Variants in ARHGAP26 observed in about 807,000 individuals in gnomAD.
ARHGAP26 encodes Rho GTPase activating protein 26, also known as rho GTPase-activating protein 26.
In ARHGAP26, 38 loss-of-function variants were observed where a neutral mutation model predicts 104.8. The observed-to-expected ratio is 0.36, with a 90% CI of 0.28 to 0.48. The LOEUF (loss-of-function observed/expected upper bound fraction) is 0.48. Among genes scored for constraint, ARHGAP26 ranks in the 20% least tolerant of loss-of-function variants. The pLI is 0.99. For missense variants in ARHGAP26, 704 were observed against 947.9 expected (o/e 0.74, Z 3.38); for synonymous variants, 341 against 340.0 (o/e 1.00, Z -0.03).
chr5:142,780,400 T>G (rs1757264272), intron 1 of ARHGAP26, among the ~76,000 whole-genome samples: 1 of 152,256 alleles, frequency 6.6e-6, no homozygotes, highest in African/African-American at 2.4e-5. Flanking sequence ...TTTTTCATTT[T>G]AATAAGTATT....
intron 11 of ARHGAP26, among the ~76,000 whole-genome samples, chr5:142,974,586 G>A (rs1307346794): frequency 6.6e-6 from 1 of 152,202 alleles, no homozygotes; most frequent in African/African-American, 2.4e-5. Context: ...CATGTAAAGT[G>A]TTTGTGGTTC....
intron 17 of ARHGAP26, among the ~76,000 whole-genome samples, chr5:143,087,165 C>G (rs773717659): frequency 6.6e-6 from 1 of 152,198 alleles, no homozygotes; most frequent in Non-Finnish European, 1.5e-5. Flanking sequence ...GACTTCTCTG[C>G]TAATGAGGAC....
intron 11 of ARHGAP26, among the ~76,000 whole-genome samples, chr5:143,001,078 G>T (rs1383007031): frequency 1.3e-5 from 2 of 152,044 alleles, no homozygotes; most frequent in African/African-American, 2.4e-5. Flanking sequence ...AGCTATAAAA[G>T]AATATATATG....
intron 19 of ARHGAP26, among the ~76,000 whole-genome samples, chr5:143,140,315 G>C (rs1029430783): frequency 2.0e-5 from 3 of 152,156 alleles, no homozygotes; most frequent in African/African-American, 7.2e-5. Context: ...GTTGAAAGTG[G>C]AGGCTCTGCA....
chr5:142,931,506 A>G (rs1294566321), intron 10 of ARHGAP26, among the ~76,000 whole-genome samples: 7 of 152,212 alleles, frequency 4.6e-5, no homozygotes, highest in African/African-American at 1.7e-4. Context: ...TTTAAAAAAT[A>G]CTGTGCACAT....
chr5:142,871,348 G>A lies in ARHGAP26; in HGVS notation c.155-2052G>A, dbSNP rs552437418. On this transcript the variant is annotated intron_variant, in intron 1 of 22. Coordinates refer to ENST00000645722, the MANE Select transcript of ARHGAP26 (RefSeq NM_001135608.3). The surrounding 1 kb of genome is among the most constrained non-coding windows in gnomAD (Gnocchi z 4.1). ...TCCTGGCAGCTGCCCTTGGCAGTGCGGCTTTTCAGGTGTGTGCTGGGAGCT... is the reference window on the plus strand; with the variant it reads ...TCCTGGCAGCTGCCCTTGGCAGTGCAGCTTTTCAGGTGTGTGCTGGGAGCT... Among the ~76,000 whole-genome samples the A allele has an allele frequency of 3.3e-5, 5 of 152,322 alleles. No individual in the cohort carries two copies. Among genetic ancestry groups the A allele is most frequent in the South Asian group, 4.1e-4 (2 of 4,828 alleles).
chr5:142,788,172 T>C (rs7714397), intron 1 of ARHGAP26, among the ~76,000 whole-genome samples: 8,445 of 152,002 alleles, frequency 0.056, 361 homozygotes, highest in African/African-American at 0.11. Flanking sequence ...AGCTTATTTT[T>C]GTATTTTTAG....
chr5:142,959,836 G>A (rs1769915496), intron 11 of ARHGAP26, among the ~76,000 whole-genome samples: 1 of 152,198 alleles, frequency 6.6e-6, no homozygotes, highest in South Asian at 2.1e-4. Flanking sequence ...GAAACCTCAG[G>A]GGAGCTATTT....
chr5:142,875,828 A>C (rs1463828624), intron 3 of ARHGAP26, among the ~76,000 whole-genome samples: 6 of 151,974 alleles, frequency 3.9e-5, no homozygotes, highest in Non-Finnish European at 7.4e-5. Context: ...ACAGCTTCAA[A>C]CTCCTGGGCT....
chr5:142,926,645 G>T (rs1356644984), intron 10 of ARHGAP26, among the ~76,000 whole-genome samples: 4 of 152,126 alleles, frequency 2.6e-5, no homozygotes, highest in Non-Finnish European at 4.4e-5. Flanking sequence ...GTCAGTGCAG[G>T]TGTGTCCCTT....
intron 11 of ARHGAP26, among the ~76,000 whole-genome samples, chr5:142,949,189 GA>G (rs1483041811): frequency 2.9e-5 from 1 of 34,948 alleles, no homozygotes; most frequent in Non-Finnish European, 4.9e-5. Context: ...GAGAGAGAGA[GA>G]GAGAGAGAGA....
At chr5:143,166,730 T>G (rs1802003158) in intron 20 of ARHGAP26, among the ~76,000 whole-genome samples, 1 of 152,140 alleles carries the variant, frequency 6.6e-6, no homozygotes, top group African/African-American at 2.4e-5. Context: ...GATTCTACAG[T>G]TTAATCATCT....
At chr5:142,831,627 G>C (rs1439960250) in intron 1 of ARHGAP26, among the ~76,000 whole-genome samples, 1 of 151,328 alleles carries the variant, frequency 6.6e-6, no homozygotes. Context: ...CTTCTCCAAA[G>C]TATCTCTTCC....
At chr5:143,104,027 GAA>G (rs542871562) in intron 17 of ARHGAP26, among the ~76,000 whole-genome samples, 2 of 134,520 alleles carry the variant, frequency 1.5e-5, no homozygotes, top group Non-Finnish European at 1.6e-5. Flanking sequence ...TAGACCTAGA[GAA>G]AAAAAAAAAG....
At chr5:142,810,093 C>G (rs144826844) in intron 1 of ARHGAP26, among the ~76,000 whole-genome samples, 2 of 152,222 alleles carry the variant, frequency 1.3e-5, no homozygotes, top group South Asian at 4.1e-4. Flanking sequence ...GCAACCTGAT[C>G]ATCTCCAACA....
rs112162505 is a variant in ARHGAP26 at position 143,107,550 on chromosome 5, A to G, written c.1539-13438A>G. ...GCAAAGCAAGATGACAGCAACTAAG[A>G]TGTCAGGCTGTGATGCCTGCACAAT... On this transcript the variant is annotated intron_variant, in intron 17 of 22. Transcript: ENST00000645722. Among the ~76,000 whole-genome samples, 1,168 of 152,302 alleles carry G rather than the reference A, an allele frequency of 7.7e-3. 16 individuals carry two copies. Among genetic ancestry groups the G allele is most frequent in the African/African-American group, 0.027 (1,104 of 41,554 alleles).
chr5:142,925,073 A>C (rs1316840507), intron 10 of ARHGAP26, among the ~76,000 whole-genome samples: 3 of 136,416 alleles, frequency 2.2e-5, no homozygotes, highest in African/African-American at 6.3e-5. Context: ...ATAGTGTTTG[A>C]GGCAACAGTT....
chr5:142,778,700 T>C (rs1756864247), intron 1 of ARHGAP26, among the ~76,000 whole-genome samples: 1 of 152,238 alleles, frequency 6.6e-6, no homozygotes. Flanking sequence ...CTTTTGTGTG[T>C]GGATTCCAGC....
chr5:143,166,223 A>G (rs1801927118), intron 20 of ARHGAP26: 1 of 551,588 alleles, frequency 1.8e-6, no homozygotes, highest in Admixed American at 5.3e-5. Flanking sequence ...AAGCTCTCTG[A>G]GTAGCCGGAA....
Sources: allele counts gnomAD v4.1 joint callset (sites outside exome capture counted in the v4.1 genomes callset), GRCh38; gene constraint gnomAD v4.1.1; non-coding constraint Gnocchi (gnomAD v3.1); transcripts MANE v1.5; gene names NCBI Gene and HGNC (gene_info 2026-07-23, HGNC 2026-07-21).